The following CRNKL1 variants were observed in gnomAD, a reference collection of about 807,000 sequenced individuals.
CRNKL1 encodes crooked neck pre-mRNA splicing factor 1.
In CRNKL1, 35 loss-of-function variants were observed where a neutral mutation model predicts 103.7. The observed-to-expected ratio is 0.34, with a 90% CI of 0.26 to 0.45. CRNKL1 has a LOEUF of 0.45. CRNKL1 is among the 20% of genes least tolerant of loss of function. The pLI is 1.00. For missense variants in CRNKL1, 645 were observed against 836.0 expected (o/e 0.77, Z 2.82); for synonymous variants, 267 against 282.6 (o/e 0.94, Z 0.55).
chr20:20,051,769 AC>A (rs1325785659), intron 1 of CRNKL1, among the ~76,000 whole-genome samples: 1 of 152,192 alleles, frequency 6.6e-6, no homozygotes, highest in East Asian at 1.9e-4. Context: ...AACTTATGAT[AC>A]TATACTACTC....
chr20:20,040,330 CAAAAAA>C (rs781058387), intron 10 of CRNKL1, among the ~76,000 whole-genome samples: 1 of 79,296 alleles, frequency 1.3e-5, no homozygotes, highest in Admixed American at 1.3e-4. Flanking sequence ...ACCAAACAAA[CAAAAAA>C]AAAAAAAAGA....
At chr20:20,045,080 A>C (rs2043573759) in intron 6 of CRNKL1, among the ~76,000 whole-genome samples, 2 of 152,200 alleles carry the variant, frequency 1.3e-5, no homozygotes, top group South Asian at 4.1e-4. Flanking sequence ...CTTAATTTTC[A>C]AACAAAGCAC....
upstream of CRNKL1, among the ~76,000 whole-genome samples, chr20:20,053,420 A>G (rs976307822): frequency 6.6e-6 from 1 of 152,176 alleles, no homozygotes; most frequent in Admixed American, 6.5e-5. Flanking sequence ...TTGAACCTAC[A>G]TTGACACATC....
intron 5 of CRNKL1, among the ~76,000 whole-genome samples, chr20:20,047,108 T>C (rs753753131): frequency 5.9e-5 from 9 of 152,172 alleles, no homozygotes; most frequent in Non-Finnish European, 1.3e-4. Flanking sequence ...ACAGTAAACC[T>C]TGGATGAACT....
chr20:20,044,742 C>T lies in CRNKL1; in HGVS notation c.801+566G>A, dbSNP rs145142926. Among the ~76,000 whole-genome samples, 893 of 152,184 alleles carry T rather than the reference C, an allele frequency of 5.9e-3. 4 individuals are homozygous for T. Among genetic ancestry groups the T allele is most frequent in the Non-Finnish European group, 8.5e-3 (579 of 68,014 alleles). On this transcript the variant is annotated intron_variant, in intron 6 of 13. Transcript: ENST00000536226. ...TCAAGTGATACTCCTGCCTCAGCTTCCCAAGTAGCTGGGACTGTAGGTGTG... is the reference window on the plus strand; with the variant it reads ...TCAAGTGATACTCCTGCCTCAGCTTTCCAAGTAGCTGGGACTGTAGGTGTG...
At chr20:20,047,398 T>C (rs2043610300) in intron 5 of CRNKL1, among the ~76,000 whole-genome samples, 1 of 152,240 alleles carries the variant, frequency 6.6e-6, no homozygotes, top group Non-Finnish European at 1.5e-5. Context: ...TGGGAGGCTA[T>C]GCATAGGTTA....
At position 20,042,514 on chromosome 20, in the gene CRNKL1, C is replaced by A; in HGVS notation, c.975G>T (p.Ala325=). 3 of 1,599,206 alleles carry A rather than the reference C, an allele frequency of 1.9e-6. No homozygotes were observed. The highest frequency in any genetic ancestry group is 2.6e-6 in the Non-Finnish European group (3 of 1,173,072). ...RRFQYEEEVK[A]NPHNYDAWFD... is the part of the protein sequence containing the mutation. ...ACCATGCATCATAATTGTGTGGATTCGCCTAGAAAGACAACCAGTTTAATA... is the reference window on the plus strand; with the variant it reads ...ACCATGCATCATAATTGTGTGGATTAGCCTAGAAAGACAACCAGTTTAATA... The change falls in exon 8 of 14, where the codon GCG becomes GCT. Residue 325 remains alanine (A), a splice_region_variant and synonymous_variant. Coordinates refer to ENST00000536226, the MANE Select transcript of CRNKL1 (RefSeq NM_001278628.2).
chr20:20,053,889 C>T (rs1600280524), upstream of CRNKL1, among the ~76,000 whole-genome samples: 1 of 152,144 alleles, frequency 6.6e-6, no homozygotes, highest in African/African-American at 2.4e-5. Flanking sequence ...TTGGTTTAAT[C>T]ATCTGTTGCC....
intron 10 of CRNKL1, 65 bp from the exon 11 acceptor site, chr20:20,039,913 C>T (rs1429868523): frequency 1.3e-6 from 2 of 1,543,272 alleles, no homozygotes; most frequent in Non-Finnish European, 1.8e-6. Context: ...AGTTATTGCA[C>T]TGCCCTAGAG....
upstream of CRNKL1, among the ~76,000 whole-genome samples, chr20:20,053,375 A>G (rs1405609992): frequency 6.6e-6 from 1 of 152,218 alleles, no homozygotes; most frequent in Non-Finnish European, 1.5e-5. Context: ...ACTCTTAAAA[A>G]TATCCTCCAC....
intron 12 of CRNKL1, 102 bp from the exon 13 acceptor site, chr20:20,037,673 ATGTG>A: frequency 9.3e-7 from 1 of 1,072,102 alleles, no homozygotes; most frequent in Non-Finnish European, 1.3e-6. Flanking sequence ...TCGGAAAGTA[ATGTG>A]TGCATCACTA....
chr20:20,037,399 G>A lies in CRNKL1; in HGVS notation c.1820C>T (p.Ala607Val). Residue 607 changes from alanine (A) to valine (V), a missense_variant, in exon 13 of 14, where the codon GCT becomes GTT. By Grantham distance (64) the Ala-to-Val change is moderately conservative (BLOSUM62 0). Around this residue, in one of 2 missense-constraint regions of CRNKL1, gnomAD observed 582 missense variants for 707.7 expected, o/e 0.82. Transcript: ENST00000536226. Reference protein sequence around the residue: ...WRSFEEEFGTASDKERVDKLM... With the variant: ...WRSFEEEFGTVSDKERVDKLM... Reference sequence around the variant, plus strand: ...TTTGTCTACTCTCTCCTTATCTGAAGCTGTTCCAAATTCTTCTTCAAAACT... The same window carrying A: ...TTTGTCTACTCTCTCCTTATCTGAAACTGTTCCAAATTCTTCTTCAAAACT... 4 of 1,614,066 alleles carry A rather than the reference G, an allele frequency of 2.5e-6. No individual in the cohort carries two copies. The highest frequency in any genetic ancestry group is 3.4e-6 in the Non-Finnish European group (4 of 1,180,004).
intron 1 of CRNKL1, 30 bp from the exon 2 acceptor site, chr20:20,050,652 A>G: frequency 6.3e-7 from 1 of 1,577,658 alleles, no homozygotes; most frequent in South Asian, 1.2e-5. Context: ...TTCTATTTTT[A>G]GTAGTTGCTC....
At chr20:20,052,489 T>C, upstream of CRNKL1, 1 of 1,614,214 alleles carries the variant, frequency 6.2e-7, no homozygotes, top group Non-Finnish European at 8.5e-7. Context: ...CTTTGACCTC[T>C]CGCTTGAGCC....
chr20:20,039,980 C>G (rs981475793), intron 10 of CRNKL1, 132 bp from the exon 11 acceptor site: 23 of 892,936 alleles, frequency 2.6e-5, no homozygotes, highest in Non-Finnish European at 3.7e-5. Context: ...CATTCTTTCC[C>G]TCTGTGGTAT....
At chr20:20,039,487 A>C (rs2043477268) in intron 11 of CRNKL1, 122 bp downstream of exon 11, 2 of 1,213,870 alleles carry the variant, frequency 1.6e-6, no homozygotes, top group African/African-American at 3.0e-5. Flanking sequence ...TAATCTGAGT[A>C]GAAGAGACTA....
In CRNKL1 at chr20:20,039,804, A is replaced by C. The variant is rs1456335319; in HGVS notation, c.1350T>G (p.Val450=). The part of the protein sequence containing the change: ...GKCPKNKLFK[V]YIELELQLRE... ...GAAGCTGTAGCTCCAATTCTATGTAAACTTTAAATAATTTGTTCTTTGGAC... is the reference window on the plus strand; with the variant it reads ...GAAGCTGTAGCTCCAATTCTATGTACACTTTAAATAATTTGTTCTTTGGAC... Residue 450 remains valine, a synonymous_variant, in exon 11 of 14, where the codon GTT becomes GTG. Coordinates refer to ENST00000536226, the MANE Select transcript of CRNKL1 (RefSeq NM_001278628.2). The C allele has an allele frequency of 6.2e-7, 1 of 1,613,938 alleles. No homozygotes were observed. Among genetic ancestry groups the C allele is most frequent in the Admixed American group, 1.7e-5 (1 of 60,004 alleles).
chr20:20,043,751 A>T (rs930162158), intron 6 of CRNKL1, 89 bp from the exon 7 acceptor site: 1 of 1,282,750 alleles, frequency 7.8e-7, no homozygotes. Context: ...AATATTACTT[A>T]TAAGTTAGAT....
intron 5 of CRNKL1, among the ~76,000 whole-genome samples, chr20:20,045,931 C>T (rs1478181785): frequency 2.0e-5 from 3 of 152,016 alleles, no homozygotes; most frequent in East Asian, 3.9e-4. Context: ...AACATGGCAC[C>T]GTAAGCGGTC....
Sources: gnomAD v4.1 joint callset for allele counts (sites outside exome capture counted in the v4.1 genomes callset) on GRCh38, gnomAD v4.1.1 for gene constraint, gnomAD v4.1.1 regional missense constraint, MANE v1.5 for transcripts, NCBI Gene and HGNC (gene_info 2026-07-23, HGNC 2026-07-21) for gene names.